Variants in CLDN2 observed in about 807,000 individuals in gnomAD.
The protein encoded by CLDN2 is claudin-2.
In CLDN2, 1 loss-of-function variant was observed where a neutral mutation model predicts 8.2. The ratio of observed to expected loss-of-function variants is 0.12; its 90% CI spans 0.04 to 0.58. The LOEUF is 0.58. Ranked by LOEUF, CLDN2 falls within the 20% of genes least tolerant of loss-of-function variation. The pLI is 0.90. For missense variants in CLDN2, 108 were observed against 172.9 expected (o/e 0.62, Z 2.11); for synonymous variants, 70 against 70.2 (o/e 1.00, Z 0.01).
intron 1 of CLDN2, among the ~76,000 whole-genome samples, chrX:106,901,312 C>T (rs967659384): frequency 2.7e-5 from 3 of 112,256 alleles, no homozygotes; most frequent in Non-Finnish European, 5.6e-5. Context: ...AAAAGACAGC[C>T]TTGGCAAAGT....
intron 1 of CLDN2, among the ~76,000 whole-genome samples, chrX:106,905,249 A>G (rs1360292921): frequency 8.9e-6 from 1 of 112,066 alleles, no homozygotes; most frequent in East Asian, 2.8e-4. Context: ...AAACTTTCTA[A>G]CAGCTCAGTC....
rs72466477 is a variant in CLDN2, at chrX:106,927,946, CAT to C, written c.-178-104_-178-103del. 0.19 allele frequency: 45,051 copies of C among 241,541 alleles called. 4,671 individuals are homozygous for C. Among genetic ancestry groups the C allele is most frequent in the East Asian group, 0.56 (8,422 of 15,127 alleles). 19.9% of individuals were successfully genotyped at this position (241,541 alleles called of 1,213,427 possible). A position where few individuals can be genotyped will look rare whatever the true frequency, so the allele number is the denominator to read the frequency against. On this transcript the variant is annotated intron_variant, in intron 1 of 1. Coordinates refer to ENST00000336803, the MANE Select transcript of CLDN2 (RefSeq NM_020384.4). ...CAAAGTTGTTTTTTTTTTCCTTTCT[CAT>C]GTGTTATTTCTAAAGATAACAAAGG...
At chrX:106,911,159 A>G (rs984752741) in intron 1 of CLDN2, among the ~76,000 whole-genome samples, 38 of 111,566 alleles carry the variant, frequency 3.4e-4, no homozygotes, top group African/African-American at 1.2e-3. Flanking sequence ...CCAATCTCTG[A>G]GCCTCAATTT....
chrX:106,903,499 T>C (rs889064055), intron 1 of CLDN2, among the ~76,000 whole-genome samples: 1 of 111,769 alleles, frequency 8.9e-6, no homozygotes, highest in African/African-American at 3.3e-5. Context: ...TCTCTCCCAG[T>C]TGAATAAACA....
At chrX:106,903,403 A>T (rs1284532982) in intron 1 of CLDN2, 8 of 794,037 alleles carry the variant, frequency 1.0e-5, no homozygotes, top group Non-Finnish European at 1.4e-5. Flanking sequence ...TTATTCAGGG[A>T]GGACAGGGGT....
intron 1 of CLDN2, among the ~76,000 whole-genome samples, chrX:106,908,409 GA>G (rs1323406550): frequency 8.1e-5 from 9 of 111,153 alleles, no homozygotes; most frequent in Non-Finnish European, 1.7e-4. Flanking sequence ...TTCTGCCTCA[GA>G]AGGGCTTCCA....
chrX:106,902,948 C>T (rs948907367), intron 1 of CLDN2, among the ~76,000 whole-genome samples: 11 of 112,345 alleles, frequency 9.8e-5, no homozygotes, highest in Admixed American at 5.6e-4. Context: ...CTCTTGCCAC[C>T]CAGCGGGATT....
chrX:106,909,086 G>T (rs1433373449), intron 1 of CLDN2, among the ~76,000 whole-genome samples: 1 of 111,872 alleles, frequency 8.9e-6, no homozygotes, highest in African/African-American at 3.3e-5. Context: ...GCTGAGAGAA[G>T]GTGGAAATGT....
intron 1 of CLDN2, chrX:106,901,630 G>T: frequency 1.1e-6 from 1 of 920,029 alleles, no homozygotes; most frequent in Non-Finnish European, 1.6e-6. Context: ...CAGGTAAAAT[G>T]ATCTTGAAGA....
chrX:106,907,439 G>T (rs538534333), intron 1 of CLDN2, among the ~76,000 whole-genome samples: 2 of 111,798 alleles, frequency 1.8e-5, no homozygotes, highest in Non-Finnish European at 1.9e-5. Context: ...TGTGGCTCAC[G>T]CCTGTAATCC....
chrX:106,905,332 G>A (rs1318997601), intron 1 of CLDN2, among the ~76,000 whole-genome samples: 1 of 112,004 alleles, frequency 8.9e-6, no homozygotes, highest in Non-Finnish European at 1.9e-5. Context: ...GGTGAAATGA[G>A]TTCAGTGAAA....
upstream of CLDN2, among the ~76,000 whole-genome samples, chrX:106,916,836 C>G (rs533633165): frequency 9.0e-6 from 1 of 111,578 alleles, no homozygotes; most frequent in Admixed American, 9.5e-5. Context: ...TGGCTTGAGC[C>G]TAGGAGTTTG....
chrX:106,915,332 A>C (rs1214937494), upstream of CLDN2, among the ~76,000 whole-genome samples: 1 of 112,390 alleles, frequency 8.9e-6, no homozygotes, highest in African/African-American at 3.2e-5. Flanking sequence ...ACCCATTGAC[A>C]GAATGTGCTC....
At chrX:106,918,716 C>T (rs889494228), upstream of CLDN2, among the ~76,000 whole-genome samples, 10 of 111,671 alleles carry the variant, frequency 9.0e-5, no homozygotes, top group Non-Finnish European at 1.5e-4. Flanking sequence ...TTCAATGAAC[C>T]GTGGCCTTAT....
chrX:106,904,862 G>T (rs1466568183), intron 1 of CLDN2, among the ~76,000 whole-genome samples: 1 of 111,922 alleles, frequency 8.9e-6, no homozygotes, highest in Non-Finnish European at 1.9e-5. Flanking sequence ...TCCCATTTTG[G>T]TAAGAAAAAA....
intron 1 of CLDN2, chrX:106,903,444 G>A: frequency 1.9e-6 from 1 of 514,381 alleles, no homozygotes; most frequent in Non-Finnish European, 3.0e-6. Flanking sequence ...TAAAGATTTA[G>A]GGAAGGGGCT....
At chrX:106,907,692 C>T (rs1307609867) in intron 1 of CLDN2, among the ~76,000 whole-genome samples, 1 of 96,518 alleles carries the variant, frequency 1.0e-5, no homozygotes, top group Non-Finnish European at 2.1e-5. Flanking sequence ...CAGAGCGAGA[C>T]TCCGTCTCAA....
Position 106,928,599 on chromosome X carries a change from T to G in CLDN2, c.371T>G (p.Phe124Cys). 1 of 1,211,290 alleles carries G rather than the reference T, an allele frequency of 8.3e-7. No homozygotes were observed. Among genetic ancestry groups the G allele is most frequent in the Non-Finnish European group, 1.1e-6 (1 of 895,353 alleles). The change falls in exon 2 of 2, where the codon TTT becomes TGT. Residue 124 changes from phenylalanine (F) to cysteine (C), a missense_variant. Around this residue, in one of 2 missense-constraint regions of CLDN2, gnomAD observed 81 missense variants for 100.8 expected, o/e 0.80. Coordinates refer to ENST00000336803, the MANE Select transcript of CLDN2 (RefSeq NM_020384.4). Reference protein sequence around the residue: ...KDRVAVAGGVFFILGGLLGFI... With the variant: ...KDRVAVAGGVCFILGGLLGFI... ...AGAGTGGCGGTAGCAGGTGGAGTCT[T>G]TTTCATCCTTGGAGGCCTCCTGGGA...
intron 1 of CLDN2, among the ~76,000 whole-genome samples, chrX:106,921,002 T>C (rs1011862354): frequency 9.0e-6 from 1 of 111,526 alleles, no homozygotes; most frequent in Non-Finnish European, 1.9e-5. Context: ...AGTTTCCCCA[T>C]GAGGTCCTTC....
Sources: allele counts gnomAD v4.1 joint callset (sites outside exome capture counted in the v4.1 genomes callset), GRCh38; gene constraint gnomAD v4.1.1; regional missense constraint gnomAD v4.1.1; transcripts MANE v1.5; gene names NCBI Gene and HGNC (gene_info 2026-07-23, HGNC 2026-07-21).